FTO: variants seen among roughly 807,000 people sequenced by gnomAD.
FTO encodes FTO alpha-ketoglutarate dependent dioxygenase.
Under a neutral mutation model 63.9 loss-of-function variants are expected in FTO, and 47 were observed. The ratio of observed to expected loss-of-function variants is 0.74; its 90% CI spans 0.58 to 0.94. The LOEUF is 0.94. Ranked by LOEUF, FTO falls within the 40% of genes least tolerant of loss-of-function variation. The pLI is 0.00. For missense variants in FTO, 562 were observed against 618.1 expected (o/e 0.91, Z 0.96); for synonymous variants, 207 against 224.4 (o/e 0.92, Z 0.69).
At chr16:53,824,138 A>AT (rs1022272834) in intron 2 of FTO, among the ~76,000 whole-genome samples, 3 of 152,116 alleles carry the variant, frequency 2.0e-5, no homozygotes, top group Non-Finnish European at 4.4e-5. Flanking sequence ...AAATCAAGTT[A>AT]TTTTTCTCCC....
At chr16:53,814,712 C>T (rs570814231) in intron 2 of FTO, 2 of 152,620 alleles carry the variant, frequency 1.3e-5, no homozygotes, top group African/African-American at 2.4e-5. Context: ...CTGTGACCTC[C>T]AGCTCTCCAC....
At chr16:53,788,850 A>G (rs944327478) in intron 1 of FTO, among the ~76,000 whole-genome samples, 3 of 152,098 alleles carry the variant, frequency 2.0e-5, no homozygotes, top group Admixed American at 6.6e-5. Context: ...ATTCAGACAT[A>G]TTGTGTAAGT....
intron 3 of FTO, among the ~76,000 whole-genome samples, chr16:53,843,874 T>G (rs1433500884): frequency 1.3e-5 from 2 of 152,236 alleles, no homozygotes; most frequent in African/African-American, 4.8e-5. Context: ...TGGTCTTGAA[T>G]GCCCGACTTT....
chr16:53,972,629 C>T (rs929288610), intron 8 of FTO, among the ~76,000 whole-genome samples: 1 of 152,200 alleles, frequency 6.6e-6, no homozygotes, highest in South Asian at 2.1e-4. Flanking sequence ...TTTCAGCTAT[C>T]ACATTTTCCC....
rs551130137 is a variant in FTO at position 54,112,423 on chromosome 16, C to T, written c.*508C>T. The T allele has an allele frequency of 2.2e-5, 4 of 181,098 alleles. No individual in the cohort carries two copies. The highest frequency in any genetic ancestry group is 1.4e-4 in the East Asian group (1 of 6,954). 11.2% of individuals were successfully genotyped at this position (181,098 alleles called of 1,614,324 possible). A position where few individuals can be genotyped will look rare whatever the true frequency, so the allele number is the denominator to read the frequency against. On this transcript the variant is annotated 3_prime_UTR_variant, in exon 9 of 9. Coordinates refer to ENST00000471389, the MANE Select transcript of FTO (RefSeq NM_001080432.3). Reference sequence around the variant, plus strand: ...TTAATTAAAAATGCAGCTCTTCAGTCGCCCTGGCCACATTTCAAGTGCTTA... The same window carrying T: ...TTAATTAAAAATGCAGCTCTTCAGTTGCCCTGGCCACATTTCAAGTGCTTA...
At chr16:54,106,049 C>G (rs1425822152) in intron 8 of FTO, among the ~76,000 whole-genome samples, 3 of 152,044 alleles carry the variant, frequency 2.0e-5, no homozygotes, top group Non-Finnish European at 4.4e-5. Flanking sequence ...TGAAGTGATG[C>G]AATAAGGGAA....
intron 1 of FTO, chr16:53,711,222 TGTCTA>T (rs61043684): frequency 0.013 from 4,765 of 379,912 alleles, 77 homozygotes; most frequent in African/African-American, 0.042. Flanking sequence ...TTATGTTGAG[TGTCTA>T]GTCAAGTGGA....
Position 54,116,759 on chromosome 16 carries a change from C to T in FTO, c.*4844C>T, listed in dbSNP as rs1313327745. ...GGTTCTCTCGCTCACCTGAGACACC[C>T]GATAGATTCCTGGAAACTCCAGGAA... On this transcript the variant is annotated 3_prime_UTR_variant, in exon 9 of 9. Coordinates refer to ENST00000471389, the MANE Select transcript of FTO (RefSeq NM_001080432.3). 1 of 152,180 alleles carries T rather than the reference C, an allele frequency of 6.6e-6. No individual in the cohort carries two copies. The highest frequency in any genetic ancestry group is 2.4e-5 in the African/African-American group (1 of 41,508). 9.4% of individuals were successfully genotyped at this position (152,180 alleles called of 1,614,324 possible). A position where few individuals can be genotyped will look rare whatever the true frequency, so the allele number is the denominator to read the frequency against.
At chr16:53,767,933 TG>T (rs2077250095) in intron 1 of FTO, among the ~76,000 whole-genome samples, 1 of 152,240 alleles carries the variant, frequency 6.6e-6, no homozygotes, top group African/African-American at 2.4e-5. Context: ...GGATTGTTCA[TG>T]GGGTTGATGT....
chr16:53,820,480 CTT>C (rs61060863), intron 2 of FTO, among the ~76,000 whole-genome samples: 1 of 146,120 alleles, frequency 6.8e-6, no homozygotes. Context: ...GAAAGGTTTC[CTT>C]TTTTTTTTTA....
At chr16:54,017,015 G>C (rs2084464857) in intron 8 of FTO, among the ~76,000 whole-genome samples, 1 of 152,158 alleles carries the variant, frequency 6.6e-6, no homozygotes, top group Non-Finnish European at 1.5e-5. Flanking sequence ...AAGATAATGA[G>C]TGGCATTCAC....
At chr16:53,921,766 C>G (rs2082012242) in intron 7 of FTO, among the ~76,000 whole-genome samples, 1 of 152,014 alleles carries the variant, frequency 6.6e-6, no homozygotes. Flanking sequence ...TGAGCATTTT[C>G]ATTTTCTTTA....
chr16:53,826,370 G>C lies in FTO; in HGVS notation c.630G>C (p.Gln210His), dbSNP rs752812594. 9 of 1,614,080 alleles carry C rather than the reference G, an allele frequency of 5.6e-6. No homozygotes were observed. The highest frequency in any genetic ancestry group is 7.6e-6 in the Non-Finnish European group (9 of 1,180,040). Residue 210 changes from glutamine (Q) to histidine (H), a missense_variant, in exon 3 of 9, where the codon CAG (glutamine) becomes CAC (histidine). Gln to His is a conservative substitution (Grantham distance 24). Transcript: ENST00000471389. The part of the protein sequence containing the change: ...NVTLLNFMDP[Q>H]KMPYLKEEPY... Reference sequence around the variant, plus strand: ...CTTTGCTGAATTTCATGGATCCTCAGAAAATGCCATACCTGAAAGAGGAAC... The same window carrying C: ...CTTTGCTGAATTTCATGGATCCTCACAAAATGCCATACCTGAAAGAGGAAC...
chr16:53,988,957 A>AT (rs34814352), intron 8 of FTO, among the ~76,000 whole-genome samples: 1 of 152,076 alleles, frequency 6.6e-6, no homozygotes, highest in African/African-American at 2.4e-5. Context: ...TCAGAAAACC[A>AT]TTTTTTGGGA....
chr16:53,786,836 G>A (rs1038397705), intron 1 of FTO, among the ~76,000 whole-genome samples: 3 of 152,146 alleles, frequency 2.0e-5, no homozygotes, highest in African/African-American at 7.2e-5. Context: ...CTTGGGCTGG[G>A]CGCAGTGGCT....
chr16:54,117,489 T>C lies in FTO; in HGVS notation c.*5574T>C, dbSNP rs1240737415. 1 of 152,146 alleles carries C rather than the reference T, an allele frequency of 6.6e-6. No homozygotes were observed. The highest frequency in any genetic ancestry group is 2.4e-5 in the African/African-American group (1 of 41,420). The allele number at this position is 152,146 out of a possible 1,614,324, so 9.4% of individuals were successfully genotyped here. A position where few individuals can be genotyped will look rare whatever the true frequency, so the allele number is the denominator to read the frequency against. On this transcript the variant is annotated 3_prime_UTR_variant, in exon 9 of 9. Coordinates refer to ENST00000471389, the MANE Select transcript of FTO (RefSeq NM_001080432.3). ...AGTGATTCATATCATGTCTGGTACT[T>C]AAAAATCACGCCACGCATGTACATT... is the stretch of plus-strand genomic sequence containing the variant.
At chr16:54,074,146 T>TC (rs1397457791) in intron 8 of FTO, among the ~76,000 whole-genome samples, 1 of 152,004 alleles carries the variant, frequency 6.6e-6, no homozygotes, top group Non-Finnish European at 1.5e-5. Context: ...TATGAAGATA[T>TC]CCCCAAACTC....
rs150205463 is a variant in FTO at position 53,803,494 on chromosome 16, C to G, written c.46-6646C>G. ...GGACTTGAGGGTCCAAGAGCAGTGGCTGTAAGTATTGGTTTTAAAAATTTA... is the reference window on the plus strand; with the variant it reads ...GGACTTGAGGGTCCAAGAGCAGTGGGTGTAAGTATTGGTTTTAAAAATTTA... On this transcript the variant is annotated intron_variant, in intron 1 of 8. Coordinates refer to ENST00000471389, the MANE Select transcript of FTO (RefSeq NM_001080432.3). 2.4e-3 allele frequency among the ~76,000 whole-genome samples: 358 copies of G among 152,248 alleles called. 1 individual carries two copies. Among genetic ancestry groups the G allele is most frequent in the African/African-American group, 8.2e-3 (342 of 41,520 alleles).
chr16:53,875,394 T>C (rs2080620117), intron 5 of FTO, among the ~76,000 whole-genome samples: 1 of 152,236 alleles, frequency 6.6e-6, no homozygotes, highest in African/African-American at 2.4e-5. Context: ...GGGATAAGAA[T>C]CGTACCTAAT....
Sources: allele counts gnomAD v4.1 joint callset (sites outside exome capture counted in the v4.1 genomes callset), GRCh38; gene constraint gnomAD v4.1.1; transcripts MANE v1.5; gene names NCBI Gene and HGNC (gene_info 2026-07-23, HGNC 2026-07-21).